Variants in STK31 observed in about 807,000 individuals in gnomAD.
The protein encoded by STK31 is serine/threonine-protein kinase 31.
Under a neutral mutation model 129.7 loss-of-function variants are expected in STK31, and 89 were observed. The ratio of observed to expected loss-of-function variants is 0.69; its 90% CI spans 0.58 to 0.82. The LOEUF (loss-of-function observed/expected upper bound fraction) is 0.82, where lower values mean the gene tolerates loss of function less well. Among genes scored for constraint, STK31 ranks in the 40% least tolerant of loss-of-function variants. STK31 has a pLI of 0.00. For synonymous variants in STK31, 448 were observed against 395.3 expected (o/e 1.13, Z -1.58); for missense variants, 1,187 against 1,176.4 (o/e 1.01, Z -0.13).
In STK31 at chr7:23,807,450, A is replaced by G. The variant is rs560742344; in HGVS notation, c.2761-7694A>G. Among the ~76,000 whole-genome samples the G allele has an allele frequency of 3.9e-5, 6 of 152,234 alleles. No individual in the cohort carries two copies. In the South Asian group the frequency reaches 1.0e-3, roughly 26 times the overall value. On this transcript the variant is annotated intron_variant, in intron 22 of 23. Transcript: ENST00000355870. The stretch of plus-strand genomic sequence containing the variant: ...TCATTTCCTTTATAGGTAATATTAC[A>G]TTTCTCTCTAACCAGTTTCAAGATT...
At chr7:23,810,656 A>G (rs963510085) in intron 22 of STK31, among the ~76,000 whole-genome samples, 2 of 135,590 alleles carry the variant, frequency 1.5e-5, no homozygotes, top group African/African-American at 5.5e-5. Context: ...AATTATATAT[A>G]TAAAAATATA....
chr7:23,808,945 G>A lies in STK31; in HGVS notation c.2761-6199G>A, dbSNP rs112842303. Among the ~76,000 whole-genome samples the A allele has an allele frequency of 6.5e-4, 62 of 95,686 alleles. 1 individual carries two copies. Among genetic ancestry groups the A allele is most frequent in the East Asian group, 1.9e-3 (5 of 2,592 alleles). 62.8% of individuals were successfully genotyped at this position (95,686 alleles called of 152,430 possible). ...GAAGCAGGCTTTTCTTGGAGCTTTTGTGTGTGTGTGTGTGTGTGTGTGTGT... is the reference window on the plus strand; with the variant it reads ...GAAGCAGGCTTTTCTTGGAGCTTTTATGTGTGTGTGTGTGTGTGTGTGTGT... On this transcript the variant is annotated intron_variant, in intron 22 of 23. Transcript: ENST00000355870.
chr7:23,793,699 C>T (rs1033380982), intron 22 of STK31, among the ~76,000 whole-genome samples: 15 of 152,184 alleles, frequency 9.9e-5, no homozygotes, highest in Admixed American at 2.0e-4. Context: ...CACTATACTA[C>T]TCACTATAAT....
chr7:23,765,202 A>C (rs1446511862), intron 11 of STK31, among the ~76,000 whole-genome samples: 1 of 151,830 alleles, frequency 6.6e-6, no homozygotes, highest in East Asian at 1.9e-4. Context: ...TTACAGGCAC[A>C]CACCACCATG....
intron 3 of STK31, among the ~76,000 whole-genome samples, chr7:23,714,235 A>T (rs1321597694): frequency 1.3e-5 from 2 of 152,204 alleles, no homozygotes; most frequent in Non-Finnish European, 1.5e-5. Flanking sequence ...ATATTTGGCA[A>T]ATTTGTTTCT....
At chr7:23,740,443 A>G (rs1336902206) in intron 8 of STK31, among the ~76,000 whole-genome samples, 1 of 152,172 alleles carries the variant, frequency 6.6e-6, no homozygotes, top group Non-Finnish European at 1.5e-5. Context: ...TTTTGCAGCC[A>G]TCGATGGTTG....
intron 22 of STK31, among the ~76,000 whole-genome samples, chr7:23,793,352 A>G (rs1431912553): frequency 2.0e-5 from 3 of 152,250 alleles, no homozygotes; most frequent in Admixed American, 6.5e-5. Flanking sequence ...TTTCTTAAGT[A>G]GGACACAGAA....
At chr7:23,812,569 C>G (rs1793208110) in intron 22 of STK31, among the ~76,000 whole-genome samples, 1 of 151,850 alleles carries the variant, frequency 6.6e-6, no homozygotes. Flanking sequence ...TTTTGTTACA[C>G]AGGTATATTG....
At chr7:23,721,594 C>T (rs1309454742) in intron 4 of STK31, 4 of 958,188 alleles carry the variant, frequency 4.2e-6, no homozygotes, top group Non-Finnish European at 6.9e-6. Flanking sequence ...TGGCCTGCAT[C>T]TCATCATTTA....
intron 22 of STK31, among the ~76,000 whole-genome samples, chr7:23,793,919 G>T (rs1171308156): frequency 6.6e-6 from 1 of 152,148 alleles, no homozygotes. Context: ...TCCACACAAA[G>T]ATTTGTATGT....
At position 23,762,942 on chromosome 7, in the gene STK31, T is replaced by G; in HGVS notation, c.1416+19T>G. On this transcript the variant is annotated intron_variant, in intron 11 of 23. Coordinates refer to ENST00000355870, the MANE Select transcript of STK31 (RefSeq NM_031414.5). ...ATTGCAGGTTGGAATTAAAAATATATTAAATATACGTTAAATTGTAAGTTT... is the reference window on the plus strand; with the variant it reads ...ATTGCAGGTTGGAATTAAAAATATAGTAAATATACGTTAAATTGTAAGTTT... 1 of 1,525,452 alleles carries G rather than the reference T, an allele frequency of 6.6e-7. No individual in the cohort carries two copies. Among genetic ancestry groups the G allele is most frequent in the African/African-American group, 1.4e-5 (1 of 70,470 alleles). 94.5% of individuals were successfully genotyped at this position (1,525,452 alleles called of 1,614,324 possible).
intron 4 of STK31, among the ~76,000 whole-genome samples, chr7:23,718,721 AAC>A (rs1293258986): frequency 6.6e-5 from 10 of 152,090 alleles, no homozygotes; most frequent in Admixed American, 2.6e-4. Flanking sequence ...GTATAAATAT[AAC>A]ACAATTTATC....
chr7:23,787,936 G>T, intron 20 of STK31, 44 bp from the exon 21 acceptor site: 2 of 1,464,384 alleles, frequency 1.4e-6, no homozygotes, highest in Non-Finnish European at 1.8e-6. Flanking sequence ...AGATTAAAAT[G>T]ATTTGCCTAC....
At chr7:23,823,723 A>G (rs1400493443) in intron 23 of STK31, among the ~76,000 whole-genome samples, 3 of 152,046 alleles carry the variant, frequency 2.0e-5, no homozygotes, top group African/African-American at 4.8e-5. Context: ...GGGTTTTTAT[A>G]GTTTTAGGTC....
intron 10 of STK31, among the ~76,000 whole-genome samples, chr7:23,757,036 A>C (rs1011336716): frequency 6.6e-6 from 1 of 151,978 alleles, no homozygotes; most frequent in South Asian, 2.1e-4. Flanking sequence ...CGTCCTTTTC[A>C]GTTGTTGGGA....
chr7:23,784,551 G>A (rs1228894358), intron 17 of STK31, among the ~76,000 whole-genome samples: 1 of 152,032 alleles, frequency 6.6e-6, no homozygotes, highest in Non-Finnish European at 1.5e-5. Context: ...CTTTATTATG[G>A]AAGATTATAA....
At chr7:23,714,991 G>C (rs1297614381) in intron 3 of STK31, among the ~76,000 whole-genome samples, 1 of 152,124 alleles carries the variant, frequency 6.6e-6, no homozygotes, top group African/African-American at 2.4e-5. Context: ...ATGAAGTTGA[G>C]GCTCTTGTAG....
At chr7:23,766,509 C>T (rs2128101401) in intron 11 of STK31, among the ~76,000 whole-genome samples, 2 of 152,332 alleles carry the variant, frequency 1.3e-5, no homozygotes, top group South Asian at 4.1e-4. Context: ...CTCTCTTGGC[C>T]TCCTAAAGTG....
chr7:23,825,538 TC>T, intron 23 of STK31, among the ~76,000 whole-genome samples: 1 of 152,344 alleles, frequency 6.6e-6, no homozygotes, highest in African/African-American at 2.4e-5. Flanking sequence ...GTTGATCTTT[TC>T]AAAAAACCAG....
Sources: gnomAD v4.1 joint callset for allele counts (sites outside exome capture counted in the v4.1 genomes callset) on GRCh38, gnomAD v4.1.1 for gene constraint, MANE v1.5 for transcripts, NCBI Gene and HGNC (gene_info 2026-07-23, HGNC 2026-07-21) for gene names.